RXFP1: variants seen among roughly 807,000 people sequenced by gnomAD.
RXFP1 encodes the protein relaxin family peptide receptor 1, also known as relaxin receptor 1.
RXFP1 carries 73 observed loss-of-function variants against 89.8 expected under a neutral mutation model. The observed-to-expected ratio is 0.81, with a 90% confidence interval of 0.67 to 0.99. The LOEUF is 0.99. Ranked by LOEUF, RXFP1 falls within the 50% of genes least tolerant of loss-of-function variation. The pLI is 0.00. For missense variants in RXFP1, 793 were observed against 895.5 expected (o/e 0.89, Z 1.46); for synonymous variants, 277 against 305.5 (o/e 0.91, Z 0.97).
chr4:158,527,564 A>AAAAT (rs5741905), intron 1 of RXFP1, among the ~76,000 whole-genome samples: 3,990 of 98,318 alleles, frequency 0.041, 264 homozygotes, highest in African/African-American at 0.13. Context: ...AAAAAAAAAA[A>AAAAT]ATATATATAT....
intron 8 of RXFP1, among the ~76,000 whole-genome samples, chr4:158,615,584 C>A (rs1352992150): frequency 6.6e-6 from 1 of 151,592 alleles, no homozygotes; most frequent in Non-Finnish European, 1.5e-5. Context: ...TTTGTGACAC[C>A]ACAAAACTAC....
chr4:158,547,886 G>C (rs900741876), intron 1 of RXFP1, among the ~76,000 whole-genome samples: 5 of 152,030 alleles, frequency 3.3e-5, no homozygotes, highest in Non-Finnish European at 5.9e-5. Context: ...GGTCAATTTT[G>C]GAATAGCTGT....
In RXFP1 at chr4:158,545,057, C is replaced by A. The variant is rs546198292; in HGVS notation, c.49+23032C>A. Among the ~76,000 whole-genome samples the A allele has an allele frequency of 4.0e-5, 6 of 151,540 alleles. No homozygotes were observed. The East Asian group carries it at 1.2e-3, about 29-fold the overall frequency. On this transcript the variant is annotated intron_variant, in intron 1 of 17. Coordinates refer to ENST00000307765, the MANE Select transcript of RXFP1 (RefSeq NM_021634.4). ...CACAATGGTTGAACTAGTTTACAGT[C>A]CCACCAACAGTGTAAAAGTGTTCCT...
At chr4:158,609,296 C>G (rs1471781135) in intron 6 of RXFP1, among the ~76,000 whole-genome samples, 1 of 152,160 alleles carries the variant, frequency 6.6e-6, no homozygotes, top group Non-Finnish European at 1.5e-5. Flanking sequence ...TAGTGTTGCA[C>G]AAGAGTTCCG....
At chr4:158,646,474 G>T in intron 15 of RXFP1, 1 of 1,238,530 alleles carries the variant, frequency 8.1e-7, no homozygotes, top group Non-Finnish European at 1.0e-6. Flanking sequence ...ATTGCATTTT[G>T]TTCATTTATT....
rs548604812 is a variant in RXFP1, at chr4:158,573,035, A to C, written c.187+200A>C. On this transcript the variant is annotated intron_variant, in intron 2 of 17. Coordinates refer to ENST00000307765, the MANE Select transcript of RXFP1 (RefSeq NM_021634.4). ...TTGTTTTTGTTTTTTTTTGAGACGG[A>C]GTCTCGCTCTGTTGCCAGTCTGGAG... The C allele has an allele frequency of 2.7e-5, 19 of 715,466 alleles. No individual in the cohort carries two copies. In the African/African-American group the frequency reaches 3.1e-4, roughly 12 times the overall value. 44.3% of individuals were successfully genotyped at this position (715,466 alleles called of 1,614,324 possible). A position where few individuals can be genotyped will look rare whatever the true frequency, so the allele number is the denominator to read the frequency against.
intron 1 of RXFP1, among the ~76,000 whole-genome samples, chr4:158,572,319 G>C (rs1368563118): frequency 6.6e-6 from 1 of 152,160 alleles, no homozygotes; most frequent in African/African-American, 2.4e-5. Context: ...TACCAGACCA[G>C]CCTTGATTCT....
At chr4:158,524,844 T>TAC (rs1553988559) in intron 1 of RXFP1, among the ~76,000 whole-genome samples, 2 of 151,994 alleles carry the variant, frequency 1.3e-5, no homozygotes, top group African/African-American at 4.8e-5. Context: ...AAACAATTCT[T>TAC]TTAATGTTTT....
chr4:158,647,661 G>C (rs1427737366), intron 16 of RXFP1, among the ~76,000 whole-genome samples: 1 of 152,100 alleles, frequency 6.6e-6, no homozygotes, highest in Non-Finnish European at 1.5e-5. Context: ...TTGAGGCCAG[G>C]AGTTGAGACC....
In RXFP1 at chr4:158,648,525, A is replaced by G. The variant is rs749429741; in HGVS notation, c.1783A>G (p.Ile595Val). 3 of 1,607,250 alleles carry G rather than the reference A, an allele frequency of 1.9e-6. No individual in the cohort carries two copies. Among genetic ancestry groups the G allele is most frequent in the Non-Finnish European group, 2.5e-6 (3 of 1,176,520 alleles). Residue 595 changes from isoleucine to valine, a missense_variant, in exon 17 of 18, where the codon ATA becomes GTA. Transcript: ENST00000307765. ...TATTAATTTGGCCGCATTTATCATC[A>G]TAGTTTTTTCCTATGGAAGCATGTT... ...LGINLAAFII[I>V]VFSYGSMFYS...
intron 1 of RXFP1, among the ~76,000 whole-genome samples, chr4:158,565,305 T>G (rs1176743413): frequency 1.3e-5 from 2 of 152,204 alleles, no homozygotes; most frequent in Non-Finnish European, 2.9e-5. Flanking sequence ...GAACTCATAG[T>G]TTTCAGTATT....
At chr4:158,541,795 C>A (rs971873631) in intron 1 of RXFP1, among the ~76,000 whole-genome samples, 1 of 152,064 alleles carries the variant, frequency 6.6e-6, no homozygotes, top group Non-Finnish European at 1.5e-5. Flanking sequence ...AGCCCCCATA[C>A]AATTACTAAA....
chr4:158,605,036 A>G (rs755995623), intron 4 of RXFP1, 32 bp from the exon 5 acceptor site: 11 of 1,294,166 alleles, frequency 8.5e-6, no homozygotes, highest in Non-Finnish European at 1.2e-5. Flanking sequence ...AGGAAAAACA[A>G]CTTTAAGAAT....
At chr4:158,570,401 G>A (rs1308320476) in intron 1 of RXFP1, among the ~76,000 whole-genome samples, 3 of 152,164 alleles carry the variant, frequency 2.0e-5, no homozygotes, top group Non-Finnish European at 4.4e-5. Context: ...AAGCTCTTGG[G>A]TAAGGATGGA....
At chr4:158,624,715 T>A (rs1259887062) in intron 9 of RXFP1, among the ~76,000 whole-genome samples, 1 of 152,128 alleles carries the variant, frequency 6.6e-6, no homozygotes, top group Non-Finnish European at 1.5e-5. Flanking sequence ...GCAAACCAGA[T>A]CCCTGCTTAT....
chr4:158,547,164 T>C (rs1373899567), intron 1 of RXFP1, among the ~76,000 whole-genome samples: 1 of 152,220 alleles, frequency 6.6e-6, no homozygotes, highest in Non-Finnish European at 1.5e-5. Flanking sequence ...AACTTCTTCC[T>C]GGTTTAGTCT....
At chr4:158,632,810 A>G (rs1337639339) in intron 11 of RXFP1, among the ~76,000 whole-genome samples, 1 of 152,140 alleles carries the variant, frequency 6.6e-6, no homozygotes, top group East Asian at 1.9e-4. Context: ...TCTAACACAC[A>G]AAAAAAGAGA....
At chr4:158,545,237 T>C (rs1452908557) in intron 1 of RXFP1, among the ~76,000 whole-genome samples, 1 of 152,154 alleles carries the variant, frequency 6.6e-6, no homozygotes, top group African/African-American at 2.4e-5. Context: ...TTTGGCTGCA[T>C]AAATGTCTTC....
intron 1 of RXFP1, among the ~76,000 whole-genome samples, chr4:158,556,071 TAGAC>T (rs922295196): frequency 1.7e-4 from 26 of 151,940 alleles, no homozygotes; most frequent in African/African-American, 6.3e-4. Context: ...AAAGCAAAAA[TAGAC>T]AAATGGATTA....
Sources: allele counts gnomAD v4.1 joint callset (sites outside exome capture counted in the v4.1 genomes callset), GRCh38; gene constraint gnomAD v4.1.1; transcripts MANE v1.5; gene names NCBI Gene and HGNC (gene_info 2026-07-23, HGNC 2026-07-21).